The following EYA4 variants were observed in gnomAD, a reference collection of about 807,000 sequenced individuals.
EYA4 encodes the protein protein phosphatase EYA4.
In EYA4, 31 loss-of-function variants were observed where a neutral mutation model predicts 87.9. The ratio of observed to expected loss-of-function variants is 0.35; its 90% CI spans 0.27 to 0.48. EYA4 has a LOEUF of 0.48. Ranked by LOEUF, EYA4 falls within the 20% of genes least tolerant of loss-of-function variation. The pLI is 0.99. For synonymous variants in EYA4, 263 were observed against 270.6 expected (o/e 0.97, Z 0.28); for missense variants, 678 against 761.4 (o/e 0.89, Z 1.29).
intron 2 of EYA4, among the ~76,000 whole-genome samples, chr6:133,363,759 C>G (rs966918816): frequency 7.3e-4 from 111 of 151,942 alleles, no homozygotes; most frequent in African/African-American, 1.8e-3. Context: ...ACAGGCGTGA[C>G]CCACCGCGCC....
chr6:133,507,211 G>A (rs1204743732), intron 14 of EYA4: 1 of 152,026 alleles, frequency 6.6e-6, no homozygotes. Context: ...GAAACTGTAT[G>A]GTCCACAACA....
intron 1 of EYA4, among the ~76,000 whole-genome samples, chr6:133,258,322 C>A (rs1775513431): frequency 6.6e-6 from 1 of 152,196 alleles, no homozygotes; most frequent in South Asian, 2.1e-4. Context: ...GCAAATTATT[C>A]TGCTTCTCAT....
chr6:133,298,789 A>T (rs1187440852), intron 2 of EYA4, among the ~76,000 whole-genome samples: 11 of 152,180 alleles, frequency 7.2e-5, no homozygotes, highest in African/African-American at 2.7e-4. Flanking sequence ...ACCGTGTGAA[A>T]CTGCCACTAT....
intron 1 of EYA4, among the ~76,000 whole-genome samples, chr6:133,243,302 C>T (rs1407738271): frequency 6.6e-6 from 1 of 152,296 alleles, no homozygotes; most frequent in Non-Finnish European, 1.5e-5. Context: ...TCCCTTACCC[C>T]TTTTGGCTTG....
intron 10 of EYA4, among the ~76,000 whole-genome samples, chr6:133,466,905 A>G (rs1284896301): frequency 6.6e-6 from 1 of 152,116 alleles, no homozygotes; most frequent in Non-Finnish European, 1.5e-5. Context: ...TTCTATTCCA[A>G]GCCCAGTGGG....
At chr6:133,324,000 T>A (rs1781301338) in intron 2 of EYA4, among the ~76,000 whole-genome samples, 1 of 152,152 alleles carries the variant, frequency 6.6e-6, no homozygotes. Context: ...TCCATTAAAT[T>A]TTTAGAATTT....
At chr6:133,255,647 A>G (rs1298599699) in intron 1 of EYA4, among the ~76,000 whole-genome samples, 2 of 151,894 alleles carry the variant, frequency 1.3e-5, no homozygotes, top group African/African-American at 4.8e-5. Flanking sequence ...CTATGTGAGG[A>G]TGTAATTTAT....
intron 1 of EYA4, among the ~76,000 whole-genome samples, chr6:133,254,999 G>T (rs552625968): frequency 6.6e-6 from 1 of 152,274 alleles, no homozygotes; most frequent in African/African-American, 2.4e-5. Flanking sequence ...TCAGCGATGT[G>T]ACTTTGGTCA....
chr6:133,320,480 GT>G (rs66590855), intron 2 of EYA4, among the ~76,000 whole-genome samples: 3 of 149,540 alleles, frequency 2.0e-5, no homozygotes, highest in East Asian at 3.9e-4. Context: ...TATTTTACTT[GT>G]TTTTTTTTCT....
intron 3 of EYA4, among the ~76,000 whole-genome samples, chr6:133,389,834 A>T (rs998953693): frequency 6.6e-5 from 10 of 152,084 alleles, no homozygotes; most frequent in Non-Finnish European, 1.3e-4. Context: ...ATGTTTTTTG[A>T]ATTTTCCTCT....
chr6:133,483,207 T>A, intron 13 of EYA4, 92 bp downstream of exon 13: 1 of 907,374 alleles, frequency 1.1e-6, no homozygotes, highest in Non-Finnish European at 1.8e-6. Context: ...CTTTTAAGTG[T>A]TTTTTTATTG....
At chr6:133,451,699 A>G (rs1793457313) in intron 5 of EYA4, among the ~76,000 whole-genome samples, 1 of 152,212 alleles carries the variant, frequency 6.6e-6, no homozygotes, top group South Asian at 2.1e-4. Context: ...GAATGCCATA[A>G]TATGTTCAAG....
Position 133,453,928 on chromosome 6 carries a change from T to C in EYA4, c.278-2628T>C, listed in dbSNP as rs549772706. Among the ~76,000 whole-genome samples the C allele has an allele frequency of 1.5e-4, 23 of 152,216 alleles. No individual in the cohort carries two copies. In the South Asian group the frequency reaches 4.6e-3, roughly 30 times the overall value. ...ACCTTTAAAATTTTAATGAGAGATG[T>C]TTCCAGTATAATGAATTAGACCAAA... On this transcript the variant is annotated intron_variant, in intron 5 of 19. Transcript: ENST00000355286.
intron 3 of EYA4, among the ~76,000 whole-genome samples, chr6:133,398,813 C>T (rs1583174074): frequency 6.6e-6 from 1 of 152,086 alleles, no homozygotes; most frequent in South Asian, 2.1e-4. Context: ...AAATTGCCAA[C>T]ATGCAGTGCC....
At chr6:133,325,620 C>A (rs972639143) in intron 2 of EYA4, among the ~76,000 whole-genome samples, 2 of 152,110 alleles carry the variant, frequency 1.3e-5, no homozygotes, top group Non-Finnish European at 2.9e-5. Flanking sequence ...CCTTTCAAAC[C>A]TTATGGTTCT....
At chr6:133,395,999 C>T (rs1787758487) in intron 3 of EYA4, among the ~76,000 whole-genome samples, 1 of 152,158 alleles carries the variant, frequency 6.6e-6, no homozygotes, top group South Asian at 2.1e-4. Context: ...TCAAGAATTT[C>T]CCTTTTTCTG....
intron 17 of EYA4, among the ~76,000 whole-genome samples, chr6:133,520,224 A>G (rs1389052399): frequency 2.0e-5 from 3 of 151,252 alleles, no homozygotes; most frequent in African/African-American, 7.3e-5. Context: ...ATGATTGTAT[A>G]TCTAGAAAAC....
intron 11 of EYA4, among the ~76,000 whole-genome samples, chr6:133,477,172 C>T (rs905630713): frequency 2.0e-5 from 3 of 151,994 alleles, no homozygotes; most frequent in African/African-American, 7.2e-5. Context: ...TACCCAGTCT[C>T]GAGTAGTTCT....
intron 13 of EYA4, among the ~76,000 whole-genome samples, chr6:133,492,322 C>T (rs1341247580): frequency 3.3e-5 from 5 of 152,134 alleles, no homozygotes; most frequent in Non-Finnish European, 7.4e-5. Flanking sequence ...AATCAATCAA[C>T]GTGATACATC....
Sources: allele counts gnomAD v4.1 joint callset (sites outside exome capture counted in the v4.1 genomes callset), GRCh38; gene constraint gnomAD v4.1.1; transcripts MANE v1.5; gene names NCBI Gene and HGNC (gene_info 2026-07-23, HGNC 2026-07-21).